The following ATP8A1 variants were observed in gnomAD, a reference collection of about 807,000 sequenced individuals.
The protein encoded by ATP8A1 is phospholipid-transporting ATPase IA.
Under a neutral mutation model 177.7 loss-of-function variants are expected in ATP8A1, and 90 were observed. The ratio of observed to expected loss-of-function variants is 0.51; its 90% CI spans 0.43 to 0.60. ATP8A1 has a LOEUF of 0.60. ATP8A1 is among the 20% of genes least tolerant of loss of function. ATP8A1 has a pLI of 0.00. For missense variants in ATP8A1, 1,072 were observed against 1,392.8 expected, an observed-to-expected ratio of 0.77 and a Z score of 3.67; for synonymous variants, 493 against 485.9, an observed-to-expected ratio of 1.01 and a Z score of -0.19.
chr4:42,479,927 A>C (rs1404972861), intron 25 of ATP8A1, among the ~76,000 whole-genome samples: 1 of 150,798 alleles, frequency 6.6e-6, no homozygotes, highest in African/African-American at 2.4e-5. Context: ...AAGCGGGTGC[A>C]TTTATACTTT....
At chr4:42,622,620 G>T (rs1737594370) in intron 4 of ATP8A1, among the ~76,000 whole-genome samples, 2 of 152,088 alleles carry the variant, frequency 1.3e-5, no homozygotes, top group South Asian at 4.1e-4. Flanking sequence ...CTTACAGAAT[G>T]GGGGAAAACA....
At chr4:42,465,451 C>G (rs1027056763) in intron 25 of ATP8A1, among the ~76,000 whole-genome samples, 1 of 152,198 alleles carries the variant, frequency 6.6e-6, no homozygotes, top group Non-Finnish European at 1.5e-5. Flanking sequence ...TACATAGTAG[C>G]TGGAAAGTAA....
intron 1 of ATP8A1, among the ~76,000 whole-genome samples, chr4:42,647,948 C>T (rs2109572261): frequency 6.6e-6 from 1 of 152,206 alleles, no homozygotes; most frequent in African/African-American, 2.4e-5. Flanking sequence ...TAATTTAAAA[C>T]CTCATTTAAA....
At position 42,646,495 on chromosome 4, in the gene ATP8A1, G is replaced by A. The variant is rs1172485412; in HGVS notation, c.49+10330C>T. Among the ~76,000 whole-genome samples the A allele has an allele frequency of 2.6e-5, 4 of 152,202 alleles. No individual in the cohort carries two copies. In the East Asian group the frequency reaches 7.7e-4, roughly 29 times the overall value. ...TTATACAACGTTAGCTTTACTTCAG[G>A]ACCAGAATTAACCACAGGGACCTAG... On this transcript the variant is annotated intron_variant, in intron 1 of 36. Transcript: ENST00000381668.
chr4:42,421,079 T>C (rs1384005399), intron 35 of ATP8A1, among the ~76,000 whole-genome samples: 1 of 152,100 alleles, frequency 6.6e-6, no homozygotes, highest in Non-Finnish European at 1.5e-5. Context: ...GAACTCTTAC[T>C]GTATTCTTTT....
At chr4:42,427,627 T>G (rs1390549677) in intron 33 of ATP8A1, among the ~76,000 whole-genome samples, 1 of 152,270 alleles carries the variant, frequency 6.6e-6, no homozygotes, top group Non-Finnish European at 1.5e-5. Flanking sequence ...ATTCAATTTC[T>G]GAACTATGTG....
intron 20 of ATP8A1, 104 bp downstream of exon 20, chr4:42,543,813 C>T (rs1468021930): frequency 1.3e-6 from 1 of 762,204 alleles, no homozygotes; most frequent in African/African-American, 1.8e-5. Flanking sequence ...TGGATGTCAG[C>T]AACTTCATGT....
At chr4:42,568,179 A>G (rs2109310716) in intron 15 of ATP8A1, among the ~76,000 whole-genome samples, 1 of 152,330 alleles carries the variant, frequency 6.6e-6, no homozygotes, top group East Asian at 1.9e-4. Context: ...GTGTCTCATC[A>G]GTTGTCACAA....
intron 22 of ATP8A1, among the ~76,000 whole-genome samples, chr4:42,515,523 A>G (rs1484406530): frequency 6.6e-6 from 1 of 152,186 alleles, no homozygotes; most frequent in African/African-American, 2.4e-5. Flanking sequence ...GTTGATCTAT[A>G]TTACGCCACA....
chr4:42,446,016 G>C (rs1441132804), intron 31 of ATP8A1, among the ~76,000 whole-genome samples: 1 of 144,324 alleles, frequency 6.9e-6, no homozygotes, highest in East Asian at 2.2e-4. Flanking sequence ...TGAGGCAGAG[G>C]CTGCAGTGAG....
chr4:42,528,752 A>G (rs1488548290), intron 20 of ATP8A1, among the ~76,000 whole-genome samples: 1 of 152,132 alleles, frequency 6.6e-6, no homozygotes, highest in East Asian at 1.9e-4. Context: ...CACTTCCACA[A>G]GATATCACAC....
At chr4:42,619,270 G>A (rs6850013) in intron 4 of ATP8A1, among the ~76,000 whole-genome samples, 34,288 of 151,992 alleles carry the variant, frequency 0.23, 4,317 homozygotes, top group Non-Finnish European at 0.29. Context: ...CGCATTGTAG[G>A]CTTTGAATAA....
chr4:42,573,515 C>G (rs749036276), intron 14 of ATP8A1, among the ~76,000 whole-genome samples: 2 of 152,160 alleles, frequency 1.3e-5, no homozygotes, highest in African/African-American at 4.8e-5. Context: ...AAAACAGCAT[C>G]CAGCCCGGGA....
At chr4:42,503,286 A>G (rs1724033509) in intron 24 of ATP8A1, among the ~76,000 whole-genome samples, 164 bp downstream of exon 24, 1 of 152,224 alleles carries the variant, frequency 6.6e-6, no homozygotes, top group East Asian at 1.9e-4. Flanking sequence ...ATCAATTTAC[A>G]TCAATGTGAC....
intron 3 of ATP8A1, 93 bp from the exon 4 acceptor site, chr4:42,624,727 G>A (rs1002462093): frequency 1.7e-6 from 1 of 589,904 alleles, no homozygotes; most frequent in Non-Finnish European, 2.8e-6. Flanking sequence ...TCTAAAATAT[G>A]CCTCACTGAT....
At chr4:42,632,813 C>T (rs1560541588) in intron 1 of ATP8A1, among the ~76,000 whole-genome samples, 1 of 152,152 alleles carries the variant, frequency 6.6e-6, no homozygotes, top group Non-Finnish European at 1.5e-5. Flanking sequence ...TACCAATTAC[C>T]CACATGACCC....
At chr4:42,549,138 A>C (rs1729226992) in intron 18 of ATP8A1, 76 bp from the exon 19 acceptor site, 2 of 1,229,990 alleles carry the variant, frequency 1.6e-6, no homozygotes, top group Admixed American at 2.2e-5. Context: ...CCTAGCCATA[A>C]AATTTTACTG....
At chr4:42,563,433 A>G (rs192551758) in intron 15 of ATP8A1, among the ~76,000 whole-genome samples, 1 of 152,308 alleles carries the variant, frequency 6.6e-6, no homozygotes, top group East Asian at 1.9e-4. Context: ...ACATTTGGAA[A>G]ATTTGCAGCC....
At position 42,555,144 on chromosome 4, in the gene ATP8A1, ATCT is replaced by A. The variant is rs1560454786; in HGVS notation, c.1413+821_1413+823del. On this transcript the variant is annotated intron_variant, in intron 16 of 36. Transcript: ENST00000381668. Reference sequence around the variant, plus strand: ...ATCTATCTATCTATCTATCTAATCTATCTATCTATCTATCTATCTATCTATCTA... The same window carrying A: ...ATCTATCTATCTATCTATCTAATCTAATCTATCTATCTATCTATCTATCTA... Among the ~76,000 whole-genome samples the A allele has an allele frequency of 5.6e-3, 321 of 56,896 alleles. 1 individual carries two copies. Among genetic ancestry groups the A allele is most frequent in the South Asian group, 0.014 (23 of 1,658 alleles). The allele number at this position is 56,896 out of a possible 152,430, so 37.3% of individuals were successfully genotyped here. A position where few individuals can be genotyped will look rare whatever the true frequency, so the allele number is the denominator to read the frequency against.
Sources: allele counts gnomAD v4.1 joint callset (sites outside exome capture counted in the v4.1 genomes callset), GRCh38; gene constraint gnomAD v4.1.1; transcripts MANE v1.5; gene names NCBI Gene and HGNC (gene_info 2026-07-23, HGNC 2026-07-21).